The following STPG2 variants were observed in gnomAD, a reference collection of about 807,000 sequenced individuals.
STPG2 encodes sperm tail PG-rich repeat containing 2, also known as sperm-tail PG-rich repeat-containing protein 2.
A neutral mutation model predicts 54.2 loss-of-function variants in STPG2; 56 were observed. The observed-to-expected ratio is 1.03, with a 90% confidence interval of 0.83 to 1.29. The LOEUF (loss-of-function observed/expected upper bound fraction) is 1.29. STPG2 is among the 50% of genes most tolerant of loss of function. The probability of loss-of-function intolerance (pLI) is 0.00; values close to 1 mark genes in which losing one functional copy is unlikely to be tolerated. For synonymous variants in STPG2, 200 were observed against 181.8 expected, an observed-to-expected ratio of 1.10 and a Z score of -0.81; for missense variants, 596 against 544.9, an observed-to-expected ratio of 1.09 and a Z score of -0.93.
chr4:97,835,594 T>C (rs1728608464), intron 9 of STPG2, among the ~76,000 whole-genome samples: 1 of 152,132 alleles, frequency 6.6e-6, no homozygotes, highest in African/African-American at 2.4e-5. Context: ...CAACACCCAT[T>C]CTGAAGCCCA....
chr4:98,010,446 C>A (rs1735710223), intron 5 of STPG2, among the ~76,000 whole-genome samples: 2 of 152,122 alleles, frequency 1.3e-5, no homozygotes, highest in South Asian at 4.1e-4. Context: ...GGCACTCTTG[C>A]TCTACTTTGT....
chr4:97,906,987 A>G (rs1402715038), intron 8 of STPG2, among the ~76,000 whole-genome samples: 1 of 149,932 alleles, frequency 6.7e-6, no homozygotes. Context: ...CACCACTCCT[A>G]TTCAACATAG....
At chr4:97,730,566 G>T (rs1018914492) in intron 9 of STPG2, among the ~76,000 whole-genome samples, 1 of 152,118 alleles carries the variant, frequency 6.6e-6, no homozygotes, top group Non-Finnish European at 1.5e-5. Context: ...TTAGTTCCTT[G>T]AGGAATCTCC....
At chr4:97,550,556 ACT>A (rs755757279) in intron 4 of STPG2, among the ~76,000 whole-genome samples, 1 of 152,178 alleles carries the variant, frequency 6.6e-6, no homozygotes, top group Non-Finnish European at 1.5e-5. Context: ...ATATTATAAC[ACT>A]GTTAGTTTTA....
At chr4:97,804,013 G>T (rs1727478402) in intron 9 of STPG2, among the ~76,000 whole-genome samples, 1 of 152,194 alleles carries the variant, frequency 6.6e-6, no homozygotes, top group Admixed American at 6.5e-5. Context: ...GCCACAGAAG[G>T]AGAGGTTCCT....
chr4:97,897,979 C>G (rs992022442), intron 8 of STPG2, among the ~76,000 whole-genome samples: 2 of 152,064 alleles, frequency 1.3e-5, no homozygotes, highest in South Asian at 4.1e-4. Context: ...AATCTTTGCC[C>G]ACTCCTATTC....
At chr4:97,836,051 T>C (rs1237857929) in intron 9 of STPG2, among the ~76,000 whole-genome samples, 1 of 152,016 alleles carries the variant, frequency 6.6e-6, no homozygotes, top group Non-Finnish European at 1.5e-5. Context: ...ACTGCTGAAG[T>C]AACAACAAGG....
chr4:97,891,311 A>T (rs980636235), intron 8 of STPG2, among the ~76,000 whole-genome samples: 1 of 152,116 alleles, frequency 6.6e-6, no homozygotes, highest in African/African-American at 2.4e-5. Flanking sequence ...ATAAAAGAAA[A>T]ATGTGAGAAA....
At chr4:97,963,758 T>A (rs889491131) in intron 7 of STPG2, among the ~76,000 whole-genome samples, 3 of 151,892 alleles carry the variant, frequency 2.0e-5, no homozygotes, top group African/African-American at 7.2e-5. Context: ...TTTATACTTA[T>A]ATCGGACTAA....
At chr4:97,687,877 C>T (rs1442390630) in intron 10 of STPG2, among the ~76,000 whole-genome samples, 2 of 151,904 alleles carry the variant, frequency 1.3e-5, no homozygotes, top group Non-Finnish European at 1.5e-5. Flanking sequence ...CTTCTGCATG[C>T]CATGGATGTT....
At chr4:97,450,446 T>G (rs766295183) in intron 4 of STPG2, among the ~76,000 whole-genome samples, 3 of 151,766 alleles carry the variant, frequency 2.0e-5, no homozygotes, top group Non-Finnish European at 4.4e-5. Flanking sequence ...TGATAAGAAC[T>G]CCCAAGAAGA....
intron 10 of STPG2, among the ~76,000 whole-genome samples, chr4:97,643,142 G>T (rs1249097540): frequency 6.6e-6 from 1 of 151,508 alleles, no homozygotes; most frequent in Non-Finnish European, 1.5e-5. Context: ...TTATATGCCA[G>T]AAATACTAGA....
At chr4:98,023,447 G>C (rs968057477) in intron 5 of STPG2, among the ~76,000 whole-genome samples, 3 of 152,194 alleles carry the variant, frequency 2.0e-5, no homozygotes, top group African/African-American at 7.2e-5. Flanking sequence ...TGCCCCTACT[G>C]GGGGTGCCTC....
intron 9 of STPG2, among the ~76,000 whole-genome samples, chr4:97,768,343 A>G (rs1451138909): frequency 6.6e-6 from 1 of 152,190 alleles, no homozygotes; most frequent in Non-Finnish European, 1.5e-5. Flanking sequence ...TTTATTTTTT[A>G]TAGTGTTACA....
intron 10 of STPG2, among the ~76,000 whole-genome samples, chr4:97,624,431 A>G (rs1326843062): frequency 6.6e-6 from 1 of 152,092 alleles, no homozygotes; most frequent in Non-Finnish European, 1.5e-5. Context: ...TCTTTTGAGA[A>G]GTATCTGTTC....
chr4:97,580,520 C>CTCTCTGTCTCTCTG (rs376400872), intron 10 of STPG2, among the ~76,000 whole-genome samples: 14 of 151,722 alleles, frequency 9.2e-5, no homozygotes, highest in Admixed American at 1.3e-4. Flanking sequence ...ACATTTCACC[C>CTCTCTGTCTCTCTG]TCTCTGTCTC....
intron 9 of STPG2, among the ~76,000 whole-genome samples, chr4:97,724,599 T>C (rs1350795652): frequency 1.3e-5 from 2 of 152,194 alleles, no homozygotes; most frequent in African/African-American, 2.4e-5. Context: ...TTATCAGTTC[T>C]AGTAGTTTCT....
At chr4:97,915,852 A>C (rs2149204278) in intron 8 of STPG2, among the ~76,000 whole-genome samples, 1 of 152,278 alleles carries the variant, frequency 6.6e-6, no homozygotes, top group South Asian at 2.1e-4. Flanking sequence ...GGACATAGTC[A>C]GAGCTATGCT....
chr4:97,450,520 T>C (rs948815628), intron 4 of STPG2, among the ~76,000 whole-genome samples: 2 of 152,128 alleles, frequency 1.3e-5, no homozygotes, highest in East Asian at 1.9e-4. Context: ...TCATTAAGGA[T>C]GTGACAATTG....
Sources: gnomAD v4.1 joint callset for allele counts (sites outside exome capture counted in the v4.1 genomes callset) on GRCh38, gnomAD v4.1.1 for gene constraint, MANE v1.5 for transcripts, NCBI Gene and HGNC (gene_info 2026-07-23, HGNC 2026-07-21) for gene names.